PPFIA2: variants seen among roughly 807,000 people sequenced by gnomAD.
PPFIA2 encodes the protein PPFI scaffold protein A2, also known as liprin-alpha-2.
A neutral mutation model predicts 175.5 loss-of-function variants in PPFIA2; 46 were observed. The observed-to-expected ratio is 0.26, with a 90% CI of 0.21 to 0.34. The LOEUF (loss-of-function observed/expected upper bound fraction) is 0.34. PPFIA2 is among the 10% of genes least tolerant of loss of function. The probability of loss-of-function intolerance (pLI) is 1.00; values close to 1 mark genes in which losing one functional copy is unlikely to be tolerated. For missense variants in PPFIA2, 1,179 were observed against 1,506.1 expected (o/e 0.78, Z 3.60); for synonymous variants, 568 against 511.4 (o/e 1.11, Z -1.49).
chr12:81,628,376 C>CTTTTTTTTTTT (rs11304359), intron 4 of PPFIA2, among the ~76,000 whole-genome samples: 1 of 111,676 alleles, frequency 9.0e-6, no homozygotes, highest in Non-Finnish European at 1.8e-5. Context: ...TTTCTTTTAC[C>CTTTTTTTTTTT]TTTTTTTTTT....
At chr12:81,687,879 A>G (rs115988796) in intron 3 of PPFIA2, among the ~76,000 whole-genome samples, 2,307 of 152,086 alleles carry the variant, frequency 0.015, 30 homozygotes, top group South Asian at 0.042. Flanking sequence ...CTAGTTACAC[A>G]TGTGTAAAAT....
At chr12:81,732,298 T>A (rs751071694) in intron 3 of PPFIA2, among the ~76,000 whole-genome samples, 4 of 151,564 alleles carry the variant, frequency 2.6e-5, no homozygotes, top group Non-Finnish European at 5.9e-5. Flanking sequence ...CAAATCTGAA[T>A]GCAACTTTAG....
intron 4 of PPFIA2, among the ~76,000 whole-genome samples, chr12:81,462,742 A>C (rs1276258611): frequency 6.6e-6 from 1 of 151,494 alleles, no homozygotes; most frequent in African/African-American, 2.4e-5. Context: ...GCTGAAGCTC[A>C]CTATTATGAA....
chr12:81,657,779 C>T (rs1333181555), intron 4 of PPFIA2, among the ~76,000 whole-genome samples: 1 of 151,864 alleles, frequency 6.6e-6, no homozygotes, highest in Non-Finnish European at 1.5e-5. Context: ...TGATTTATTC[C>T]CATACATAAT....
intron 4 of PPFIA2, among the ~76,000 whole-genome samples, chr12:81,528,830 A>G (rs1195542437): frequency 6.6e-6 from 1 of 152,032 alleles, no homozygotes; most frequent in East Asian, 1.9e-4. Context: ...CAGCAGCATG[A>G]AAAACAACAG....
At chr12:81,453,538 T>C (rs2053045850) in intron 5 of PPFIA2, among the ~76,000 whole-genome samples, 1 of 151,850 alleles carries the variant, frequency 6.6e-6, no homozygotes. Flanking sequence ...GTCAGAGGAG[T>C]TTTAGGAATA....
At chr12:81,273,195 C>T (rs761913772) in intron 28 of PPFIA2, among the ~76,000 whole-genome samples, 89 of 152,140 alleles carry the variant, frequency 5.8e-4, no homozygotes, top group African/African-American at 2.1e-3. Context: ...CTTGGAAGTC[C>T]ACAAATGTCT....
chr12:81,283,155 C>A (rs1565901546), intron 25 of PPFIA2, 116 bp from the exon 26 acceptor site: 1 of 979,102 alleles, frequency 1.0e-6, no homozygotes, highest in Admixed American at 2.1e-5. Flanking sequence ...TTTTGTATAA[C>A]AGGTAGAATA....
In PPFIA2 at chr12:81,647,771, AT is replaced by A. The variant is rs539567392; in HGVS notation, c.303+29019del. Among the ~76,000 whole-genome samples the A allele has an allele frequency of 3.0e-3, 427 of 140,268 alleles. 7 individuals carry two copies. Among genetic ancestry groups the A allele is most frequent in the African/African-American group, 0.011 (406 of 38,658 alleles). 92.0% of individuals were successfully genotyped at this position (140,268 alleles called of 152,430 possible). ...GCAAGACTCTGTCTCAAATATATAT[AT>A]ATATATAATATACATATAATATAAT... On this transcript the variant is annotated intron_variant, in intron 4 of 32. Transcript: ENST00000549396.
At chr12:81,724,706 C>T (rs1034953759) in intron 3 of PPFIA2, among the ~76,000 whole-genome samples, 1 of 150,918 alleles carries the variant, frequency 6.6e-6, no homozygotes, top group African/African-American at 2.4e-5. Flanking sequence ...ATATATACCA[C>T]ATTTTTGTTT....
intron 4 of PPFIA2, among the ~76,000 whole-genome samples, chr12:81,637,579 T>C (rs138794546): frequency 6.6e-6 from 1 of 152,242 alleles, no homozygotes; most frequent in Non-Finnish European, 1.5e-5. Flanking sequence ...TACAGCATTG[T>C]AGCATTTGCT....
chr12:81,375,577 A>C (rs918184187), intron 10 of PPFIA2, among the ~76,000 whole-genome samples: 1 of 152,144 alleles, frequency 6.6e-6, no homozygotes, highest in Non-Finnish European at 1.5e-5. Flanking sequence ...ATGAAAAGTA[A>C]ATCAGAGTCA....
chr12:81,481,365 T>A (rs1042507355), intron 4 of PPFIA2, among the ~76,000 whole-genome samples: 1 of 152,164 alleles, frequency 6.6e-6, no homozygotes, highest in Non-Finnish European at 1.5e-5. Flanking sequence ...TACCATTGAC[T>A]TTCTTCACAG....
chr12:81,448,120 C>A (rs2051679253), intron 5 of PPFIA2, among the ~76,000 whole-genome samples: 1 of 152,050 alleles, frequency 6.6e-6, no homozygotes, highest in Admixed American at 6.6e-5. Context: ...AATATCCACC[C>A]TCTAGGAAAA....
chr12:81,358,205 G>A lies in PPFIA2; in HGVS notation c.1650C>T (p.Asp550=). The change falls in exon 16 of 33, where the codon GAC becomes GAT. Residue 550 remains aspartate (D), a synonymous_variant. Transcript: ENST00000549396. ...IEPTIPRTHL[D]TSAELRYSVG... is the part of the protein sequence containing the mutation. Reference sequence around the variant, plus strand: ...CTGAGTACCGCAACTCAGCTGAGGTGTCTAGATGAGTTCTGGAAAAAAGGA... The same window carrying A: ...CTGAGTACCGCAACTCAGCTGAGGTATCTAGATGAGTTCTGGAAAAAAGGA... 1.3e-6 allele frequency: 2 copies of A among 1,584,412 alleles called. No homozygotes were observed. Among genetic ancestry groups the A allele is most frequent in the East Asian group, 2.3e-5 (1 of 43,580 alleles).
At chr12:81,631,593 A>G in intron 4 of PPFIA2, among the ~76,000 whole-genome samples, 1 of 152,204 alleles carries the variant, frequency 6.6e-6, no homozygotes, top group East Asian at 1.9e-4. Flanking sequence ...CTATTAAAAC[A>G]TTTCTTCTGT....
chr12:81,332,369 G>A (rs970033089), intron 21 of PPFIA2, among the ~76,000 whole-genome samples: 2 of 151,994 alleles, frequency 1.3e-5, no homozygotes, highest in Admixed American at 6.6e-5. Flanking sequence ...TCTCTCTGGA[G>A]CTTGCTGTTT....
At chr12:81,435,713 T>A (rs1352889079) in intron 7 of PPFIA2, among the ~76,000 whole-genome samples, 1 of 152,190 alleles carries the variant, frequency 6.6e-6, no homozygotes, top group East Asian at 1.9e-4. Context: ...TATGCATATA[T>A]GCGTATGTAT....
chr12:81,655,909 G>A (rs1195237062), intron 4 of PPFIA2, among the ~76,000 whole-genome samples: 2 of 151,880 alleles, frequency 1.3e-5, no homozygotes, highest in Non-Finnish European at 1.5e-5. Flanking sequence ...TTTTGATTCT[G>A]TTAATTTTTG....
Sources: gnomAD v4.1 joint callset for allele counts (sites outside exome capture counted in the v4.1 genomes callset) on GRCh38, gnomAD v4.1.1 for gene constraint, MANE v1.5 for transcripts, NCBI Gene and HGNC (gene_info 2026-07-23, HGNC 2026-07-21) for gene names.